The following UBE2D2 variants were observed in gnomAD, a reference collection of about 807,000 sequenced individuals.
The protein encoded by UBE2D2 is ubiquitin conjugating enzyme E2 D2, also known as ubiquitin-conjugating enzyme E2 D2.
A neutral mutation model predicts 24.2 loss-of-function variants in UBE2D2; 2 were observed. That is an observed-to-expected ratio of 0.08 (90% CI 0.03 to 0.26). The LOEUF (loss-of-function observed/expected upper bound fraction) is 0.26, where lower values mean the gene tolerates loss of function less well. UBE2D2 is among the 10% of genes least tolerant of loss of function. The pLI, the probability that UBE2D2 is intolerant of heterozygous loss-of-function variation, is 1.00. For synonymous variants in UBE2D2, 58 were observed against 56.5 expected (o/e 1.03, Z -0.12); for missense variants, 44 against 177.6 (o/e 0.25, Z 4.28).
intron 1 of UBE2D2, among the ~76,000 whole-genome samples, chr5:139,574,337 A>G (rs1753421963): frequency 6.6e-6 from 1 of 151,892 alleles, no homozygotes; most frequent in African/African-American, 2.4e-5. Context: ...TTATTACTAT[A>G]ATACATATTA....
At chr5:139,545,257 T>A (rs1007573664) in intron 1 of UBE2D2, among the ~76,000 whole-genome samples, 1 of 152,044 alleles carries the variant, frequency 6.6e-6, no homozygotes, top group Admixed American at 6.6e-5. Flanking sequence ...TTAGATATGA[T>A]AGGGATCTCT....
intron 1 of UBE2D2, among the ~76,000 whole-genome samples, chr5:139,531,625 CAAAA>C (rs112323447): frequency 1.0e-5 from 1 of 97,352 alleles, no homozygotes; most frequent in Non-Finnish European, 2.1e-5. Context: ...AGACCCTATC[CAAAA>C]AAAAAAAAAG....
rs565159311 is a variant in UBE2D2, at chr5:139,620,966, C to T, written c.305-2402C>T. Reference sequence around the variant, plus strand: ...TGCATAAGTTAATGATAGATATGGCCGGGTGTGGTAGTTCACGCCTGTAAT... The same window carrying T: ...TGCATAAGTTAATGATAGATATGGCTGGGTGTGGTAGTTCACGCCTGTAAT... On this transcript the variant is annotated intron_variant, in intron 5 of 6. Transcript: ENST00000398733. Among the ~76,000 whole-genome samples the T allele has an allele frequency of 4.6e-5, 7 of 152,298 alleles. No individual in the cohort carries two copies. The East Asian group carries it at 5.8e-4, about 13-fold the overall frequency.
chr5:139,572,983 A>G (rs1229052882), intron 1 of UBE2D2, among the ~76,000 whole-genome samples: 1 of 147,860 alleles, frequency 6.8e-6, no homozygotes, highest in African/African-American at 2.5e-5. Flanking sequence ...AATCAAAATA[A>G]TGTCACAAAC....
At chr5:139,612,226 T>C (rs1016676935) in intron 2 of UBE2D2, 3 of 153,136 alleles carry the variant, frequency 2.0e-5, no homozygotes, top group Non-Finnish European at 4.4e-5. Flanking sequence ...TAATCAGAAT[T>C]CAGTGGACTT....
chr5:139,549,494 C>T (rs369492834), intron 1 of UBE2D2, among the ~76,000 whole-genome samples: 61 of 152,366 alleles, frequency 4.0e-4, no homozygotes, highest in African/African-American at 1.4e-3. Context: ...CCTGGCCAGC[C>T]GCTGTGGAGG....
intron 2 of UBE2D2, among the ~76,000 whole-genome samples, chr5:139,614,253 T>C (rs1382940485): frequency 6.6e-6 from 1 of 151,936 alleles, no homozygotes; most frequent in African/African-American, 2.4e-5. Flanking sequence ...TTTGAGAGAG[T>C]CTTGCAGTGG....
intron 1 of UBE2D2, among the ~76,000 whole-genome samples, chr5:139,531,634 AAAAAGAAAG>A (rs1344290330): frequency 2.0e-5 from 3 of 151,464 alleles, no homozygotes; most frequent in Non-Finnish European, 2.9e-5. Context: ...CCAAAAAAAA[AAAAAGAAAG>A]AAAAAGAAAG....
intron 1 of UBE2D2, among the ~76,000 whole-genome samples, chr5:139,550,369 T>C (rs1401069724): frequency 6.6e-6 from 1 of 152,154 alleles, no homozygotes; most frequent in Non-Finnish European, 1.5e-5. Context: ...TCAGGGATTG[T>C]AAATGCACCA....
chr5:139,540,162 G>A (rs1184888871), intron 1 of UBE2D2, among the ~76,000 whole-genome samples: 9 of 151,584 alleles, frequency 5.9e-5, no homozygotes, highest in Admixed American at 1.3e-4. Context: ...CAGGTGATCA[G>A]CCTGCTTCGA....
chr5:139,585,991 T>G (rs1753719403), intron 1 of UBE2D2, among the ~76,000 whole-genome samples: 1 of 136,618 alleles, frequency 7.3e-6, no homozygotes, highest in Admixed American at 7.4e-5. Context: ...TATAGTACCA[T>G]ATATGATACT....
intron 1 of UBE2D2, among the ~76,000 whole-genome samples, chr5:139,593,236 C>T (rs1753883967): frequency 1.4e-5 from 2 of 147,934 alleles, no homozygotes; most frequent in Non-Finnish European, 1.5e-5. Flanking sequence ...CCTTGTGATC[C>T]GTCCACCTCG....
rs566571033 is a variant in UBE2D2, at chr5:139,566,297, G to T, written c.24+4482G>T. 2.0e-5 allele frequency among the ~76,000 whole-genome samples: 3 copies of T among 152,150 alleles called. No individual in the cohort carries two copies. In the South Asian group the frequency reaches 6.2e-4, roughly 32 times the overall value. ...GCCTCCCAAAGTGTTGGGATTACAGGTGTAAGCCACTGTGCCCGGCCTATG... is the reference window on the plus strand; with the variant it reads ...GCCTCCCAAAGTGTTGGGATTACAGTTGTAAGCCACTGTGCCCGGCCTATG... On this transcript the variant is annotated intron_variant, in intron 1 of 6. Coordinates refer to ENST00000398733, the MANE Select transcript of UBE2D2 (RefSeq NM_003339.3).
chr5:139,584,977 T>G (rs1753696467), intron 1 of UBE2D2, among the ~76,000 whole-genome samples: 1 of 151,814 alleles, frequency 6.6e-6, no homozygotes, highest in African/African-American at 2.4e-5. Flanking sequence ...CTCGGCTGAC[T>G]GCAACCTCCA....
At chr5:139,625,440 C>CCCCT (rs1390321656) in intron 6 of UBE2D2, among the ~76,000 whole-genome samples, 1 of 5,266 alleles carries the variant, frequency 1.9e-4, no homozygotes, top group Non-Finnish European at 3.0e-4. Flanking sequence ...ACCCCCCCCC[C>CCCCT]TTTTTTTTTT....
chr5:139,557,775 T>TTGAA (rs1375324105), upstream of UBE2D2, among the ~76,000 whole-genome samples: 13 of 151,914 alleles, frequency 8.6e-5, no homozygotes, highest in Admixed American at 8.5e-4. Flanking sequence ...CAAACCAATA[T>TTGAA]CCCTCATGAA....
chr5:139,593,544 T>A (rs1421882739), intron 1 of UBE2D2, among the ~76,000 whole-genome samples: 3 of 152,158 alleles, frequency 2.0e-5, no homozygotes, highest in Admixed American at 1.3e-4. Flanking sequence ...TACATTGTTA[T>A]ATATAACACA....
chr5:139,570,170 G>GT (rs755663091), intron 1 of UBE2D2, among the ~76,000 whole-genome samples: 36 of 152,150 alleles, frequency 2.4e-4, no homozygotes, highest in Non-Finnish European at 4.9e-4. Context: ...AGGAGGCTGA[G>GT]ACAGGAGGAT....
chr5:139,563,904 C>T (rs890735105), intron 1 of UBE2D2, among the ~76,000 whole-genome samples: 1 of 151,950 alleles, frequency 6.6e-6, no homozygotes, highest in Non-Finnish European at 1.5e-5. Flanking sequence ...CACTGCACTC[C>T]AGCCTGGGCC....
Sources: allele counts gnomAD v4.1 joint callset (sites outside exome capture counted in the v4.1 genomes callset), GRCh38; gene constraint gnomAD v4.1.1; transcripts MANE v1.5; gene names NCBI Gene and HGNC (gene_info 2026-07-23, HGNC 2026-07-21).